The following DHRSX variants were observed in gnomAD, a reference collection of about 807,000 sequenced individuals.
DHRSX encodes the protein dehydrogenase/reductase X-linked.
A neutral mutation model predicts 34.0 loss-of-function variants in DHRSX; 31 were observed. That is an observed-to-expected ratio of 0.91 (90% CI 0.69 to 1.23). The LOEUF (loss-of-function observed/expected upper bound fraction) is 1.23, where lower values mean the gene tolerates loss of function less well. Ranked by LOEUF, DHRSX falls within the 50% of genes most tolerant of loss-of-function variation. The probability of loss-of-function intolerance (pLI) is 0.00; values close to 1 mark genes in which losing one functional copy is unlikely to be tolerated. For synonymous variants in DHRSX, 201 were observed against 183.8 expected (o/e 1.09, Z -0.76); for missense variants, 414 against 428.1 (o/e 0.97, Z 0.29).
At chrX:2,275,105 T>G (rs1233958709) in intron 4 of DHRSX, among the ~76,000 whole-genome samples, 1 of 152,194 alleles carries the variant, frequency 6.6e-6, no homozygotes, top group Non-Finnish European at 1.5e-5. Flanking sequence ...GTATGTGTTT[T>G]AAATTTTCCA....
At chrX:2,416,792 T>C (rs1266537010) in intron 2 of DHRSX, among the ~76,000 whole-genome samples, 1 of 152,206 alleles carries the variant, frequency 6.6e-6, no homozygotes, top group Non-Finnish European at 1.5e-5. Flanking sequence ...GTAATATTAA[T>C]GTGCTTCAGT....
At chrX:2,450,304 T>C (rs901504812) in intron 1 of DHRSX, among the ~76,000 whole-genome samples, 1 of 152,074 alleles carries the variant, frequency 6.6e-6, no homozygotes, top group Non-Finnish European at 1.5e-5. Flanking sequence ...AAAAGAGCAA[T>C]ATTATTTCTT....
chrX:2,323,250 G>A (rs1458108944), intron 3 of DHRSX, among the ~76,000 whole-genome samples: 1 of 152,176 alleles, frequency 6.6e-6, no homozygotes, highest in East Asian at 1.9e-4. Context: ...CACCATGGTA[G>A]AGCTATTCTG....
chrX:2,373,195 C>A lies in DHRSX; in HGVS notation c.286+35550G>T, dbSNP rs752627256. 3.9e-5 allele frequency among the ~76,000 whole-genome samples: 6 copies of A among 152,228 alleles called. No homozygotes were observed. In the East Asian group the frequency reaches 1.2e-3, roughly 29 times the overall value. On this transcript the variant is annotated intron_variant, in intron 3 of 6. Transcript: ENST00000334651. ...CACTCACTACCACGAGAACAGTATG[C>A]GGGTCACCGCGCCCATGATTCAATT...
intron 1 of DHRSX, chrX:2,489,408 C>G (rs1222659437): frequency 6.2e-7 from 1 of 1,613,794 alleles, no homozygotes; most frequent in African/African-American, 1.3e-5. Context: ...GAGTCGGTCT[C>G]CTTGATGTTG....
At position 2,219,898 on chromosome X, in the gene DHRSX, C is replaced by T. The variant is rs1207175369; in HGVS notation, c.*1143G>A. On this transcript the variant is annotated 3_prime_UTR_variant, in exon 7 of 7. Transcript: ENST00000334651. ...ACACCAAAGGATTGAGCCTTCCTTG[C>T]CTGGCTGGTGAGTAAGAGTGAGCCT... 1.3e-5 allele frequency: 2 copies of T among 152,172 alleles called. No homozygotes were observed. Among genetic ancestry groups the T allele is most frequent in the Non-Finnish European group, 2.9e-5 (2 of 68,022 alleles). The allele number at this position is 152,172 out of a possible 1,614,324, so 9.4% of individuals were successfully genotyped here.
At chrX:2,276,261 G>A (rs1279161063) in intron 4 of DHRSX, among the ~76,000 whole-genome samples, 4 of 152,184 alleles carry the variant, frequency 2.6e-5, no homozygotes, top group Non-Finnish European at 5.9e-5. Context: ...CAAATATACT[G>A]ATGTTTCATT....
intron 1 of DHRSX, among the ~76,000 whole-genome samples, chrX:2,433,826 A>G (rs751531911): frequency 1.6e-4 from 25 of 152,102 alleles, no homozygotes; most frequent in Middle Eastern, 3.4e-3. Flanking sequence ...CCAGGCTGGA[A>G]TGCAGTGGCG....
At chrX:2,477,940 T>A (rs1347432582) in intron 1 of DHRSX, among the ~76,000 whole-genome samples, 1 of 151,988 alleles carries the variant, frequency 6.6e-6, no homozygotes, top group African/African-American at 2.4e-5. Flanking sequence ...ACAGACCACC[T>A]TCTAAGGTTT....
chrX:2,388,852 T>G lies in DHRSX; in HGVS notation c.286+19893A>C, dbSNP rs1045995498. Among the ~76,000 whole-genome samples the G allele has an allele frequency of 2.3e-4, 35 of 151,402 alleles. 1 individual carries two copies. The highest frequency in any genetic ancestry group is 8.0e-4 in the African/African-American group (33 of 41,122). On this transcript the variant is annotated intron_variant, in intron 3 of 6. Transcript: ENST00000334651. ...TTGTAAGTCATCCAGCCTATGGTAT[T>G]CTGTGACAGCAGCCTGAAATAGACT... is the stretch of plus-strand genomic sequence containing the variant.
At chrX:2,253,381 A>C (rs1179369743) in intron 5 of DHRSX, among the ~76,000 whole-genome samples, 1 of 120,736 alleles carries the variant, frequency 8.3e-6, no homozygotes. Flanking sequence ...GCCGTGAGCC[A>C]AGATGGCGCC....
At position 2,471,079 on chromosome X, in the gene DHRSX, A is replaced by C. The variant is rs143254884; in HGVS notation, c.109+29738T>G. On this transcript the variant is annotated intron_variant, in intron 1 of 6. Transcript: ENST00000334651. ...CGTTGTACCTCATATACGTGTATAC[A>C]ATTACTTTTTTTAACGAAAAATGAA... Among the ~76,000 whole-genome samples the C allele has an allele frequency of 3.0e-3, 464 of 152,314 alleles. 9 individuals are homozygous for C. Among genetic ancestry groups the C allele is most frequent in the African/African-American group, 9.8e-3 (406 of 41,570 alleles).
intron 5 of DHRSX, among the ~76,000 whole-genome samples, chrX:2,266,530 C>T (rs770320242): frequency 2.0e-5 from 3 of 151,522 alleles, no homozygotes; most frequent in Non-Finnish European, 4.4e-5. Context: ...TCGGCAGATG[C>T]AGGGAGCACT....
chrX:2,347,091 T>A (rs2042728484), intron 3 of DHRSX, among the ~76,000 whole-genome samples: 2 of 152,146 alleles, frequency 1.3e-5, no homozygotes, highest in South Asian at 4.1e-4. Context: ...AAATAAAGTA[T>A]AAGTATGTTT....
chrX:2,353,216 C>T lies in DHRSX; in HGVS notation c.286+55529G>A, dbSNP rs148094209. The stretch of plus-strand genomic sequence containing the variant: ...CCAAGACTGCACTATTACACTTCAG[C>T]CTGGGCGACAGAGCCAGACCCTGTC... On this transcript the variant is annotated intron_variant, in intron 3 of 6. Transcript: ENST00000334651. 2.3e-3 allele frequency among the ~76,000 whole-genome samples: 346 copies of T among 152,226 alleles called. 1 individual carries two copies. The highest frequency in any genetic ancestry group is 7.4e-3 in the African/African-American group (308 of 41,542).
At chrX:2,487,498 G>A (rs6641862) in intron 1 of DHRSX, 28,271 of 152,134 alleles carry the variant, frequency 0.19, 3,504 homozygotes, top group East Asian at 0.65. Context: ...CCGAGTAGCT[G>A]GGATTACAGG....
intron 4 of DHRSX, among the ~76,000 whole-genome samples, chrX:2,289,001 G>A (rs2041837091): frequency 6.6e-6 from 1 of 151,974 alleles, no homozygotes; most frequent in Admixed American, 6.5e-5. Context: ...TGTGTCAACT[G>A]GTGTTAGCCT....
chrX:2,227,269 C>G lies in DHRSX; in HGVS notation c.805-6040G>C, dbSNP rs766416379. On this transcript the variant is annotated intron_variant, in intron 6 of 6. Transcript: ENST00000334651. Reference sequence around the variant, plus strand: ...ACCTTTGTTTTGGGTATTCAAAGGTCAGTGAAGGGTTGAGTGAAAGGGAAG... The same window carrying G: ...ACCTTTGTTTTGGGTATTCAAAGGTGAGTGAAGGGTTGAGTGAAAGGGAAG... Among the ~76,000 whole-genome samples the G allele has an allele frequency of 2.2e-3, 324 of 149,742 alleles. 6 individuals carry two copies. Among genetic ancestry groups the G allele is most frequent in the Admixed American group, 4.4e-3 (65 of 14,932 alleles).
At chrX:2,372,125 T>C (rs1192650332) in intron 3 of DHRSX, among the ~76,000 whole-genome samples, 4 of 152,196 alleles carry the variant, frequency 2.6e-5, no homozygotes, top group Admixed American at 6.6e-5. Context: ...CTTCTTTCTT[T>C]GCTACAAACT....
Sources: gnomAD v4.1 joint callset for allele counts (sites outside exome capture counted in the v4.1 genomes callset) on GRCh38, gnomAD v4.1.1 for gene constraint, MANE v1.5 for transcripts, NCBI Gene and HGNC (gene_info 2026-07-23, HGNC 2026-07-21) for gene names.